The following SSBP4 variants were observed in gnomAD, a reference collection of about 807,000 sequenced individuals.
The protein encoded by SSBP4 is single-stranded DNA-binding protein 4.
In SSBP4, 33 loss-of-function variants were observed where a neutral mutation model predicts 64.6. The observed-to-expected ratio is 0.51, with a 90% CI of 0.39 to 0.68. SSBP4 has a LOEUF of 0.68. SSBP4 is among the 30% of genes least tolerant of loss of function. The pLI is 0.00. For synonymous variants in SSBP4, 243 were observed against 224.0 expected (o/e 1.08, Z -0.76); for missense variants, 583 against 566.8 (o/e 1.03, Z -0.29).
upstream of SSBP4, among the ~76,000 whole-genome samples, chr19:18,418,659 G>A (rs1354586485): frequency 1.3e-5 from 2 of 152,218 alleles, no homozygotes; most frequent in African/African-American, 4.8e-5. The surrounding 1 kb of genome is among the most constrained non-coding windows in gnomAD (Gnocchi z 6.7). Flanking sequence ...CCTGGGTTGT[G>A]TCTGTGTTGT....
chr19:18,431,955 G>T, intron 8 of SSBP4, 45 bp from the exon 9 acceptor site: 1 of 1,555,736 alleles, frequency 6.4e-7, no homozygotes, highest in Non-Finnish European at 8.7e-7. Context: ...GTCCACACTG[G>T]GGAATGGTCC....
chr19:18,412,587 A>T, the SSBP4 span, among the ~76,000 whole-genome samples: 2 of 151,844 alleles, frequency 1.3e-5, no homozygotes, highest in African/African-American at 2.4e-5. Flanking sequence ...TTGTGTCCCC[A>T]GGCAAGTTGC....
chr19:18,432,913 T>C (rs758300267), intron 13 of SSBP4, 30 bp downstream of exon 13: 1 of 1,614,010 alleles, frequency 6.2e-7, no homozygotes, highest in Non-Finnish European at 8.5e-7. Flanking sequence ...GGGGGTGTGC[T>C]AGGGTGGGTG....
chr19:18,405,003 G>GT, the SSBP4 span, among the ~76,000 whole-genome samples: 1 of 141,756 alleles, frequency 7.1e-6, no homozygotes, highest in Non-Finnish European at 1.5e-5. Flanking sequence ...CCCCGCGAAA[G>GT]AAAAAAACAT....
upstream of SSBP4, chr19:18,419,360 CG>C: frequency 9.8e-7 from 1 of 1,021,628 alleles, no homozygotes; most frequent in Non-Finnish European, 1.2e-6. Flanking sequence ...GTAGAGGCAG[CG>C]GGCGGGGGCG....
chr19:18,424,077 G>A (rs1014328739), intron 1 of SSBP4, among the ~76,000 whole-genome samples: 1 of 152,226 alleles, frequency 6.6e-6, no homozygotes, highest in African/African-American at 2.4e-5. Context: ...ACAACCCACA[G>A]TTCTTCCCTG....
Position 18,426,254 on chromosome 19 carries a change from G to A in SSBP4, c.60-1097G>A, listed in dbSNP as rs1302139453. 6.6e-6 allele frequency among the ~76,000 whole-genome samples: 1 copy of A among 152,174 alleles called. No homozygotes were observed. Among genetic ancestry groups the A allele is most frequent in the African/African-American group, 2.4e-5 (1 of 41,430 alleles). On this transcript the variant is annotated intron_variant, in intron 1 of 17. Transcript: ENST00000270061. This position sits in a 1 kb window ranked among gnomAD's most constrained non-coding sequence, Gnocchi z 4.5. The stretch of plus-strand genomic sequence containing the variant: ...GGAAGGTTATTTTAGGATGGGGCCC[G>A]CAGCCAGAGAGGGCGGCGCAGCTGA...
intron 1 of SSBP4, among the ~76,000 whole-genome samples, chr19:18,422,727 C>T (rs753131511): frequency 1.2e-4 from 18 of 152,230 alleles, no homozygotes; most frequent in Admixed American, 3.3e-4. Context: ...GGGGCAGCCA[C>T]GCGGCTCTCA....
chr19:18,403,898 T>C, the SSBP4 span, among the ~76,000 whole-genome samples: 1 of 151,980 alleles, frequency 6.6e-6, no homozygotes, highest in Non-Finnish European at 1.5e-5. Flanking sequence ...CCTGGAACTT[T>C]CAGAGGCCAC....
upstream of SSBP4, among the ~76,000 whole-genome samples, chr19:18,415,872 G>A (rs999686331): frequency 3.9e-5 from 6 of 152,058 alleles, no homozygotes; most frequent in African/African-American, 9.7e-5. Flanking sequence ...GTATTTAGGG[G>A]ACATCCATGG....
chr19:18,427,342 C>T lies in SSBP4; in HGVS notation c.60-9C>T. 2 of 1,608,996 alleles carry T rather than the reference C, an allele frequency of 1.2e-6. No individual in the cohort carries two copies. Among genetic ancestry groups the T allele is most frequent in the Non-Finnish European group, 1.7e-6 (2 of 1,179,700 alleles). On this transcript the variant is annotated splice_polypyrimidine_tract_variant and intron_variant, in intron 1 of 17. Coordinates refer to ENST00000270061, the MANE Select transcript of SSBP4 (RefSeq NM_032627.5). The surrounding 1 kb of genome is among the most constrained non-coding windows in gnomAD (Gnocchi z 4.4). The stretch of plus-strand genomic sequence containing the variant: ...AGTCTGAGCTCCCTGGGCCGCCTCG[C>T]CCCCACAGGTTGGCGCTGTACGTTT...
At chr19:18,404,569 G>GCA in the SSBP4 span, among the ~76,000 whole-genome samples, 22 of 140,712 alleles carry the variant, frequency 1.6e-4, no homozygotes, top group Middle Eastern at 4.3e-3. Context: ...ACTCCAGCCT[G>GCA]GGTGACAGAG....
At chr19:18,416,842 C>T (rs1282414640), upstream of SSBP4, among the ~76,000 whole-genome samples, 1 of 152,222 alleles carries the variant, frequency 6.6e-6, no homozygotes, top group East Asian at 1.9e-4. Context: ...TCCCTTTCTG[C>T]GGGTTCTGCC....
upstream of SSBP4, among the ~76,000 whole-genome samples, chr19:18,416,203 G>A (rs1417399849): frequency 2.0e-5 from 3 of 152,090 alleles, no homozygotes; most frequent in Admixed American, 6.5e-5. Context: ...TGAGTAGAGA[G>A]GGGGTTTCAC....
At chr19:18,403,142 C>A in the SSBP4 span, among the ~76,000 whole-genome samples, 1 of 152,224 alleles carries the variant, frequency 6.6e-6, no homozygotes, top group South Asian at 2.1e-4. Flanking sequence ...ATCTGGCCTA[C>A]GTGCACATCC....
At chr19:18,433,098 G>A (rs1216206811) in intron 14 of SSBP4, 37 bp from the exon 15 acceptor site, 1 of 1,613,172 alleles carries the variant, frequency 6.2e-7, no homozygotes, top group Non-Finnish European at 8.5e-7. Context: ...CTTGGGGAAT[G>A]GGTGGCCCGA....
rs775068427 is a variant in SSBP4, at chr19:18,431,869, A to C, written c.565+7A>C. The C allele has an allele frequency of 3.2e-6, 5 of 1,571,044 alleles. No individual in the cohort carries two copies. The highest frequency in any genetic ancestry group is 4.3e-6 in the Non-Finnish European group (5 of 1,156,464). ...CCCTCCCCACGAGCCCAGGGTGAGT[A>C]GGGAAGCTCCAGCCCCTATCCCGCC... On this transcript the variant is annotated splice_region_variant and intron_variant, in intron 8 of 17. Transcript: ENST00000270061.
In SSBP4 at chr19:18,427,034, C is replaced by A. The variant is rs1284439816; in HGVS notation, c.60-317C>A. On this transcript the variant is annotated intron_variant, in intron 1 of 17. Coordinates refer to ENST00000270061, the MANE Select transcript of SSBP4 (RefSeq NM_032627.5). This position sits in a 1 kb window ranked among gnomAD's most constrained non-coding sequence, Gnocchi z 4.4. ...GCCCAGTGGTCGTCCCCACCCTGCA[C>A]ACACACAGGAATGACACTCCTCTAT... 2.0e-5 allele frequency among the ~76,000 whole-genome samples: 3 copies of A among 152,058 alleles called. No homozygotes were observed. The highest frequency in any genetic ancestry group is 4.4e-5 in the Non-Finnish European group (3 of 67,998).
At chr19:18,429,790 G>T (rs536844862) in intron 4 of SSBP4, among the ~76,000 whole-genome samples, 1 of 152,272 alleles carries the variant, frequency 6.6e-6, no homozygotes, top group Admixed American at 6.5e-5. Flanking sequence ...GTCACGGTGG[G>T]CTTAGGGGGC....
Sources: gnomAD v4.1 joint callset for allele counts (sites outside exome capture counted in the v4.1 genomes callset) on GRCh38, gnomAD v4.1.1 for gene constraint, Gnocchi (gnomAD v3.1) non-coding constraint, MANE v1.5 for transcripts, NCBI Gene and HGNC (gene_info 2026-07-23, HGNC 2026-07-21) for gene names.